COL4A2: variants seen among roughly 807,000 people sequenced by gnomAD.
The protein encoded by COL4A2 is collagen alpha-2(IV) chain.
COL4A2 carries 99 observed loss-of-function variants against 200.2 expected under a neutral mutation model. The ratio of observed to expected loss-of-function variants is 0.49; its 90% CI spans 0.42 to 0.58. The LOEUF is 0.58. Among genes scored for constraint, COL4A2 ranks in the 20% least tolerant of loss-of-function variants. The pLI, the probability that COL4A2 is intolerant of heterozygous loss-of-function variation, is 0.00. For missense variants in COL4A2, 1,950 were observed against 2,314.1 expected (o/e 0.84, Z 3.23); for synonymous variants, 897 against 900.6 (o/e 1.00, Z 0.07).
chr13:110,325,368 A>G (rs1885379774), intron 3 of COL4A2, among the ~76,000 whole-genome samples: 1 of 152,162 alleles, frequency 6.6e-6, no homozygotes, highest in East Asian at 1.9e-4. Context: ...TCCTGGAGTG[A>G]TACTTGATTC....
At chr13:110,465,954 C>A (rs1882223674) in intron 25 of COL4A2, 49 bp from the exon 26 acceptor site, 1 of 1,601,564 alleles carries the variant, frequency 6.2e-7, no homozygotes, top group African/African-American at 1.3e-5. Flanking sequence ...GCCAGTAACT[C>A]TTATCTGTTT....
intron 37 of COL4A2, 25 bp downstream of exon 37, chr13:110,491,365 C>A: frequency 6.7e-7 from 1 of 1,489,244 alleles, no homozygotes; most frequent in Non-Finnish European, 9.2e-7. Context: ...AGCCACACAG[C>A]CTTCCTCAGG....
chr13:110,511,935 A>C lies in COL4A2; in HGVS notation c.4883A>C (p.His1628Pro). The C allele has an allele frequency of 6.2e-7, 1 of 1,613,562 alleles. No individual in the cohort carries two copies. The highest frequency in any genetic ancestry group is 8.5e-7 in the Non-Finnish European group (1 of 1,180,018). ...TGTCCTGCCCCCCTCTCTGTGCAGC[A>C]CACGGCGGCGGGAGACGAAGGCGGT... Reference protein sequence around the residue: ...SLWIGYSFLMHTAAGDEGGGQ... With the variant: ...SLWIGYSFLMPTAAGDEGGGQ... Residue 1628 changes from histidine to proline, a missense_variant and splice_region_variant, in exon 48 of 48, where the codon CAC (histidine) becomes CCC (proline). His to Pro is a moderately conservative substitution (Grantham distance 77). Coordinates refer to ENST00000360467, the MANE Select transcript of COL4A2 (RefSeq NM_001846.4).
chr13:110,362,769 A>G (rs1877575227), intron 4 of COL4A2, among the ~76,000 whole-genome samples: 1 of 152,250 alleles, frequency 6.6e-6, no homozygotes, highest in African/African-American at 2.4e-5. Flanking sequence ...TAATATAGAA[A>G]GCAGTAGAGG....
chr13:110,442,030 G>A (rs1881144401), intron 16 of COL4A2, among the ~76,000 whole-genome samples: 1 of 135,786 alleles, frequency 7.4e-6, no homozygotes. Flanking sequence ...AGGTTGCAGT[G>A]AGCCAAGATC....
At chr13:110,338,266 G>A (rs1230741112) in intron 3 of COL4A2, among the ~76,000 whole-genome samples, 1 of 152,150 alleles carries the variant, frequency 6.6e-6, no homozygotes, top group East Asian at 1.9e-4. Context: ...TGCATATGAA[G>A]GCTCCAATGG....
intron 20 of COL4A2, among the ~76,000 whole-genome samples, chr13:110,454,216 C>T (rs1305588386): frequency 1.3e-5 from 2 of 152,022 alleles, no homozygotes; most frequent in Non-Finnish European, 1.5e-5. Context: ...AATCATGTTG[C>T]AAACATCTAA....
At chr13:110,313,450 C>A (rs1885042553) in intron 3 of COL4A2, among the ~76,000 whole-genome samples, 1 of 152,012 alleles carries the variant, frequency 6.6e-6, no homozygotes, top group South Asian at 2.1e-4. Context: ...CGGCGTCCAC[C>A]CGGCAGGCTC....
rs1373650840 is a variant in COL4A2 at position 110,508,093 on chromosome 13, C to T, written c.4753C>T (p.Pro1585Ser). The T allele has an allele frequency of 6.2e-7, 1 of 1,614,274 alleles. No homozygotes were observed. The highest frequency in any genetic ancestry group is 8.5e-7 in the Non-Finnish European group (1 of 1,180,046). Residue 1585 changes from proline (P) to serine (S), a missense_variant, in exon 47 of 48, where the codon CCC becomes TCC. This residue lies in a region of COL4A2 where 1,385 missense variants were observed against 1,720.5 expected (regional missense o/e 0.80). Transcript: ENST00000360467. The surrounding 1 kb of genome is among the most constrained non-coding windows in gnomAD (Gnocchi z 6.1). Reference protein sequence around the residue: ...MMPVAEDEIKPYISRCSVCEA... With the variant: ...MMPVAEDEIKSYISRCSVCEA... The stretch of plus-strand genomic sequence containing the variant: ...GCCCGTGGCCGAGGACGAGATCAAG[C>T]CCTACATCAGCCGCTGTTCTGTGTG...
intron 3 of COL4A2, 36 bp downstream of exon 3, chr13:110,308,159 C>T: frequency 6.2e-7 from 1 of 1,611,748 alleles, no homozygotes. Context: ...CTTGCGCGCC[C>T]GAGAGTGGTT....
At chr13:110,469,433 C>T in intron 28 of COL4A2, 109 bp downstream of exon 28, 1 of 1,162,452 alleles carries the variant, frequency 8.6e-7, no homozygotes, top group Middle Eastern at 3.0e-4. Flanking sequence ...GCTGTTTTAA[C>T]AAATACTTGA....
chr13:110,482,064 T>G (rs1882952815), intron 31 of COL4A2, among the ~76,000 whole-genome samples: 2 of 152,230 alleles, frequency 1.3e-5, no homozygotes, highest in Admixed American at 6.5e-5. Flanking sequence ...GAGTCTGTCT[T>G]TCTGTTGCTG....
At chr13:110,453,443 G>A (rs998375300) in intron 20 of COL4A2, among the ~76,000 whole-genome samples, 2 of 152,124 alleles carry the variant, frequency 1.3e-5, no homozygotes, top group African/African-American at 4.8e-5. Context: ...GGAGGTTGCA[G>A]TGAGCCAAGA....
At chr13:110,505,169 T>G (rs578183744) in intron 45 of COL4A2, among the ~76,000 whole-genome samples, 6 of 150,980 alleles carry the variant, frequency 4.0e-5, no homozygotes, top group Non-Finnish European at 5.9e-5. Context: ...GCTAACACGG[T>G]GAAACCCCGT....
chr13:110,460,449 T>G (rs1446520034), intron 22 of COL4A2, among the ~76,000 whole-genome samples: 1 of 152,136 alleles, frequency 6.6e-6, no homozygotes, highest in African/African-American at 2.4e-5. Context: ...AAAAAGTGCG[T>G]GGGGTGAGAA....
At chr13:110,404,586 C>T (rs1172328996) in intron 4 of COL4A2, among the ~76,000 whole-genome samples, 1 of 152,154 alleles carries the variant, frequency 6.6e-6, no homozygotes, top group African/African-American at 2.4e-5. Context: ...ACAGGAGGGT[C>T]CCCATATGGA....
chr13:110,472,829 C>G, intron 28 of COL4A2, 100 bp from the exon 29 acceptor site: 3 of 1,127,672 alleles, frequency 2.7e-6, no homozygotes, highest in Non-Finnish European at 3.9e-6. Flanking sequence ...CTGAGGACCC[C>G]ATAGCCAAAT....
At chr13:110,403,442 A>T (rs1400967909) in intron 4 of COL4A2, among the ~76,000 whole-genome samples, 1 of 152,226 alleles carries the variant, frequency 6.6e-6, no homozygotes, top group Non-Finnish European at 1.5e-5. Flanking sequence ...TGATTCAGCC[A>T]AATTCTTTGC....
intron 30 of COL4A2, among the ~76,000 whole-genome samples, 181 bp downstream of exon 30, chr13:110,478,345 G>A (rs535913251): frequency 7.2e-5 from 11 of 152,300 alleles, no homozygotes; most frequent in Admixed American, 4.6e-4. Context: ...CTGAGACATC[G>A]GCTCATCCTC....
Sources: allele counts gnomAD v4.1 joint callset (sites outside exome capture counted in the v4.1 genomes callset), GRCh38; gene constraint gnomAD v4.1.1; regional missense constraint gnomAD v4.1.1; non-coding constraint Gnocchi (gnomAD v3.1); transcripts MANE v1.5; gene names NCBI Gene and HGNC (gene_info 2026-07-23, HGNC 2026-07-21).